Variants in NELL1 observed in about 807,000 individuals in gnomAD.
NELL1 encodes protein kinase C-binding protein NELL1.
NELL1 carries 76 observed loss-of-function variants against 107.4 expected under a neutral mutation model. The observed-to-expected ratio is 0.71, with a 90% CI of 0.59 to 0.86. NELL1 has a LOEUF of 0.86. Among genes scored for constraint, NELL1 ranks in the 40% least tolerant of loss-of-function variants. The pLI is 0.00. For missense variants in NELL1, 1,024 were observed against 1,005.5 expected (o/e 1.02, Z -0.25); for synonymous variants, 353 against 341.2 (o/e 1.03, Z -0.38).
chr11:20,737,621 C>T (rs1385994750), intron 2 of NELL1, among the ~76,000 whole-genome samples: 1 of 151,842 alleles, frequency 6.6e-6, no homozygotes, highest in East Asian at 1.9e-4. Context: ...GAGAGATTAG[C>T]AAGTGATTGA....
intron 13 of NELL1, among the ~76,000 whole-genome samples, chr11:21,200,593 CCCT>C (rs1490054539): frequency 2.0e-5 from 3 of 152,124 alleles, no homozygotes; most frequent in African/African-American, 7.2e-5. Flanking sequence ...TGCCTGTTCA[CCCT>C]GATGATAGTT....
intron 14 of NELL1, among the ~76,000 whole-genome samples, chr11:21,257,344 G>A: frequency 6.6e-6 from 1 of 151,982 alleles, no homozygotes; most frequent in Non-Finnish European, 1.5e-5. Context: ...AAATTTCAAG[G>A]AAATGTAGTT....
At chr11:20,956,645 CAAAA>C (rs541321546) in intron 11 of NELL1, among the ~76,000 whole-genome samples, 4 of 89,462 alleles carry the variant, frequency 4.5e-5, no homozygotes, top group South Asian at 3.5e-4. Flanking sequence ...GACTCCATCT[CAAAA>C]AAAAAAAAAA....
At chr11:21,326,063 T>TG (rs1293253362) in intron 14 of NELL1, among the ~76,000 whole-genome samples, 32 of 92,386 alleles carry the variant, frequency 3.5e-4, no homozygotes, top group Non-Finnish European at 6.1e-4. Context: ...TTTTTTTTTT[T>TG]TTTTTTTTTT....
At chr11:20,873,904 C>T (rs1372841183) in intron 4 of NELL1, among the ~76,000 whole-genome samples, 1 of 152,010 alleles carries the variant, frequency 6.6e-6, no homozygotes, top group East Asian at 1.9e-4. Context: ...GCTTGGGCTA[C>T]AGGCACACAC....
At chr11:20,823,857 G>A (rs1379958597) in intron 3 of NELL1, among the ~76,000 whole-genome samples, 2 of 151,212 alleles carry the variant, frequency 1.3e-5, no homozygotes, top group South Asian at 2.1e-4. Flanking sequence ...CCCGAAGAAA[G>A]CCTCACACAA....
At chr11:21,228,147 G>T (rs1857942100) in intron 13 of NELL1, among the ~76,000 whole-genome samples, 1 of 152,134 alleles carries the variant, frequency 6.6e-6, no homozygotes, top group South Asian at 2.1e-4. Context: ...GAGAAGTTAT[G>T]CTAGCAGATG....
At chr11:21,407,389 C>T (rs142526892) in intron 15 of NELL1, among the ~76,000 whole-genome samples, 211 of 152,176 alleles carry the variant, frequency 1.4e-3, no homozygotes, top group African/African-American at 4.9e-3. Context: ...GCACTCCAGC[C>T]TGGGCACCAG....
intron 12 of NELL1, among the ~76,000 whole-genome samples, chr11:21,081,823 G>A (rs1374067319): frequency 6.6e-6 from 1 of 150,974 alleles, no homozygotes; most frequent in African/African-American, 2.4e-5. Flanking sequence ...TAAATCATGT[G>A]AATACTAACT....
chr11:21,384,636 C>T lies in NELL1; in HGVS notation c.1645+13688C>T, dbSNP rs542675441. On this transcript the variant is annotated intron_variant, in intron 15 of 19. Transcript: ENST00000357134. ...AACAGTCCCCAGAGTGTGATGTTCC[C>T]CTTCCTGTGTCCTTGTGTTTTCATT... 4.6e-5 allele frequency among the ~76,000 whole-genome samples: 7 copies of T among 152,028 alleles called. No individual in the cohort carries two copies. The South Asian group carries it at 1.5e-3, about 32-fold the overall frequency.
intron 13 of NELL1, among the ~76,000 whole-genome samples, chr11:21,155,583 A>G (rs953573778): frequency 6.6e-6 from 1 of 152,152 alleles, no homozygotes; most frequent in African/African-American, 2.4e-5. Context: ...AGAGAACAGA[A>G]CTGAGAGATC....
chr11:20,749,298 C>G (rs1041321357), intron 2 of NELL1, among the ~76,000 whole-genome samples: 1 of 152,006 alleles, frequency 6.6e-6, no homozygotes, highest in African/African-American at 2.4e-5. Flanking sequence ...TATTTTTTCT[C>G]TTTTAAAAAT....
chr11:20,851,894 T>A (rs928822440), intron 4 of NELL1, among the ~76,000 whole-genome samples: 3 of 152,190 alleles, frequency 2.0e-5, no homozygotes, highest in African/African-American at 7.2e-5. Flanking sequence ...ACAGGAGCCC[T>A]GTAAGCAGGC....
At chr11:20,970,630 A>G (rs1258894767) in intron 12 of NELL1, among the ~76,000 whole-genome samples, 2 of 152,212 alleles carry the variant, frequency 1.3e-5, no homozygotes, top group Admixed American at 1.3e-4. Flanking sequence ...AAGAAGAGGT[A>G]TGCAGGAAGG....
At chr11:21,446,761 TAACCAC>T (rs1490356595) in intron 15 of NELL1, among the ~76,000 whole-genome samples, 3 of 152,164 alleles carry the variant, frequency 2.0e-5, no homozygotes, top group Non-Finnish European at 4.4e-5. Flanking sequence ...AGGCTCACTG[TAACCAC>T]TACTGGGCTA....
intron 2 of NELL1, among the ~76,000 whole-genome samples, chr11:20,710,398 A>G (rs1384519964): frequency 6.6e-6 from 1 of 152,192 alleles, no homozygotes; most frequent in Non-Finnish European, 1.5e-5. Flanking sequence ...TATGAAACCC[A>G]CTAGAACATG....
intron 2 of NELL1, among the ~76,000 whole-genome samples, chr11:20,765,916 C>T (rs978739181): frequency 5.3e-5 from 8 of 152,130 alleles, no homozygotes; most frequent in African/African-American, 1.7e-4. Flanking sequence ...AACAGCTCTC[C>T]AGAACTTTTT....
At chr11:20,863,165 A>G (rs895292617) in intron 4 of NELL1, among the ~76,000 whole-genome samples, 4 of 151,736 alleles carry the variant, frequency 2.6e-5, no homozygotes, top group Admixed American at 6.6e-5. Context: ...CTCACTTCCC[A>G]GAAGGGGTGG....
intron 15 of NELL1, among the ~76,000 whole-genome samples, chr11:21,489,393 A>AAAAAAAAAAAAAAAAAAAAAAC (rs1854736317): frequency 6.9e-6 from 1 of 143,990 alleles, no homozygotes; most frequent in African/African-American, 2.5e-5. Flanking sequence ...AAAAAAAAAA[A>AAAAAAAAAAAAAAAAAAAAAAC]AAAAAAAAAA....
Sources: gnomAD v4.1 joint callset for allele counts (sites outside exome capture counted in the v4.1 genomes callset) on GRCh38, gnomAD v4.1.1 for gene constraint, MANE v1.5 for transcripts, NCBI Gene and HGNC (gene_info 2026-07-23, HGNC 2026-07-21) for gene names.